Variants in SMCO1 observed in about 807,000 individuals in gnomAD.
SMCO1 encodes single-pass membrane protein with coiled-coil domains 1.
SMCO1 carries 9 observed loss-of-function variants against 7.5 expected under a neutral mutation model. The ratio of observed to expected loss-of-function variants is 1.20; its 90% confidence interval spans 0.72 to 2.09. SMCO1 has a LOEUF of 2.09. SMCO1 is among the 30% of genes most tolerant of loss of function. The pLI is 0.00. For missense variants in SMCO1, 219 were observed against 253.1 expected (o/e 0.87, Z 0.91); for synonymous variants, 90 against 93.8 (o/e 0.96, Z 0.23).
In SMCO1 at chr3:196,507,085, G is replaced by A. The variant is rs1733065578; in HGVS notation, c.*802C>T. ...ATAGTGTAGAGGACCAATCGCGGAA[G>A]GGTAGGTATGTATAAAATAGGTGAA... is the stretch of plus-strand genomic sequence containing the variant. On this transcript the variant is annotated 3_prime_UTR_variant, in exon 3 of 3. Transcript: ENST00000397537. The A allele has an allele frequency of 6.6e-6, 1 of 152,222 alleles. No individual in the cohort carries two copies. The highest frequency in any genetic ancestry group is 2.1e-4 in the South Asian group (1 of 4,824). 9.4% of individuals were successfully genotyped at this position (152,222 alleles called of 1,614,324 possible).
At chr3:196,516,717 G>A (rs780427998), upstream of SMCO1, among the ~76,000 whole-genome samples, 2 of 152,080 alleles carry the variant, frequency 1.3e-5, no homozygotes, top group Non-Finnish European at 2.9e-5. Flanking sequence ...ATACTAGCAG[G>A]GAGACAGCAC....
intron 2 of SMCO1, among the ~76,000 whole-genome samples, chr3:196,508,581 G>C (rs1229128000): frequency 2.0e-5 from 3 of 151,530 alleles, no homozygotes; most frequent in Non-Finnish European, 4.4e-5. Flanking sequence ...TGTCGCCTCG[G>C]CTTCCCAGAG....
In SMCO1 at chr3:196,508,148, C is replaced by G; in HGVS notation, c.384G>C (p.Glu128Asp). 6.2e-7 allele frequency: 1 copy of G among 1,614,168 alleles called. No individual in the cohort carries two copies. The highest frequency in any genetic ancestry group is 8.5e-7 in the Non-Finnish European group (1 of 1,180,022). Residue 128 changes from glutamate to aspartate, a missense_variant, in exon 3 of 3, where the codon GAG becomes GAC. Transcript: ENST00000397537. ...TGATGTCTCCTTCTTGCAGCCCACA[C>G]TCCTCCAGTATGGACTCCCATACAA... is the stretch of plus-strand genomic sequence containing the variant. ...VRVVWESILE[E>D]CGLQEGDITA...
chr3:196,520,076 C>T (rs1733466476), upstream of SMCO1, among the ~76,000 whole-genome samples: 1 of 152,216 alleles, frequency 6.6e-6, no homozygotes, highest in South Asian at 2.1e-4. Flanking sequence ...CAAGTGCATT[C>T]TAAAACGCTG....
upstream of SMCO1, among the ~76,000 whole-genome samples, chr3:196,516,643 C>T (rs543251522): frequency 1.3e-5 from 2 of 152,110 alleles, no homozygotes; most frequent in African/African-American, 4.8e-5. Flanking sequence ...AATGGATGAG[C>T]AGCACTATTC....
upstream of SMCO1, among the ~76,000 whole-genome samples, chr3:196,518,567 A>G (rs1300242473): frequency 6.6e-6 from 1 of 152,130 alleles, no homozygotes; most frequent in Admixed American, 6.5e-5. Context: ...CACCTGCCTC[A>G]GCCTCCCAAA....
intron 2 of SMCO1, 67 bp from the exon 3 acceptor site, chr3:196,508,398 C>A (rs950438281): frequency 2.8e-5 from 38 of 1,379,908 alleles, no homozygotes; most frequent in Admixed American, 2.1e-4. Flanking sequence ...AAAATGAATT[C>A]TTTTAGGATA....
At position 196,509,621 on chromosome 3, in the gene SMCO1, G is replaced by A. The variant is rs774644769; in HGVS notation, c.99C>T (p.Asp33=). 2.0e-5 allele frequency: 33 copies of A among 1,614,022 alleles called. No homozygotes were observed. The highest frequency in any genetic ancestry group is 2.8e-5 in the Non-Finnish European group (33 of 1,179,930). Residue 33 remains aspartate, a synonymous_variant, in exon 2 of 3, where the codon GAC becomes GAT. Coordinates refer to ENST00000397537, the MANE Select transcript of SMCO1 (RefSeq NM_001077657.3). The part of the protein sequence containing the change: ...QALETQFKEL[D]FTKDNLMQKF... ...TCTGCATCAGGTTATCCTTGGTGAA[G>A]TCTAGTTCTTTGAACTGTGTTTCTA...
In SMCO1 at chr3:196,514,444, G is replaced by A. The variant is rs542408621; in HGVS notation, c.50+716C>T. ...TCCAGCTTAAATGACCCTATATGAA[G>A]AGTTCCTTTTTCTAGTGTCAAAGGC... On this transcript the variant is annotated intron_variant, in intron 1 of 2. Transcript: ENST00000397537. Among the ~76,000 whole-genome samples, 3 of 152,234 alleles carry A rather than the reference G, an allele frequency of 2.0e-5. No homozygotes were observed. In the South Asian group the frequency reaches 6.2e-4, roughly 32 times the overall value.
upstream of SMCO1, among the ~76,000 whole-genome samples, chr3:196,517,105 A>G (rs990814316): frequency 3.8e-4 from 11 of 29,078 alleles, no homozygotes; most frequent in African/African-American, 8.8e-4. Context: ...ACTCCATCGC[A>G]AAAAAAAAAA....
intron 1 of SMCO1, among the ~76,000 whole-genome samples, chr3:196,510,886 T>G (rs1451255778): frequency 1.3e-5 from 2 of 152,258 alleles, no homozygotes; most frequent in African/African-American, 2.4e-5. Flanking sequence ...TTTCCCTGTA[T>G]GATTGACATC....
chr3:196,520,225 T>C (rs1733468342), upstream of SMCO1, among the ~76,000 whole-genome samples: 1 of 152,210 alleles, frequency 6.6e-6, no homozygotes, highest in Non-Finnish European at 1.5e-5. Flanking sequence ...AAATTCGATC[T>C]TTTCTGCAGA....
At position 196,508,263 on chromosome 3, in the gene SMCO1, C is replaced by T. The variant is rs761072658; in HGVS notation, c.269G>A (p.Arg90His). The T allele has an allele frequency of 1.6e-5, 26 of 1,613,820 alleles. No individual in the cohort carries two copies. Among genetic ancestry groups the T allele is most frequent in the East Asian group, 2.2e-5 (1 of 44,876 alleles). Residue 90 changes from arginine (R) to histidine (H), a missense_variant, in exon 3 of 3, where the codon CGT becomes CAT. Transcript: ENST00000397537. ...CAGGTCTGGCAGCTTCTCAAGCACA[C>T]GAGTATGCAAGCAGATAAGTACTTC... Reference protein sequence around the residue: ...VIEVLICLHTRVLEKLPDLVR... With the variant: ...VIEVLICLHTHVLEKLPDLVR...
At chr3:196,512,429 T>C (rs1733269551) in intron 1 of SMCO1, among the ~76,000 whole-genome samples, 1 of 152,126 alleles carries the variant, frequency 6.6e-6, no homozygotes, top group Admixed American at 6.5e-5. Context: ...CATCTTTTAT[T>C]CTTGGTCCTA....
At chr3:196,509,464 C>A (rs1160644362) in intron 2 of SMCO1, 56 bp downstream of exon 2, 2 of 1,470,180 alleles carry the variant, frequency 1.4e-6, no homozygotes, top group South Asian at 1.2e-5. Flanking sequence ...TTGCAATGAC[C>A]AGTGGAAGCT....
At chr3:196,516,866 A>G (rs1733398499), upstream of SMCO1, among the ~76,000 whole-genome samples, 1 of 152,080 alleles carries the variant, frequency 6.6e-6, no homozygotes, top group South Asian at 2.1e-4. Context: ...TGGGAGGCTG[A>G]GGTGGGTAGA....
intron 1 of SMCO1, among the ~76,000 whole-genome samples, chr3:196,514,422 A>C (rs187165834): frequency 6.6e-6 from 1 of 152,320 alleles, no homozygotes; most frequent in Admixed American, 6.5e-5. Context: ...TTTAAGATCC[A>C]GCTTAAATGA....
Position 196,508,047 on chromosome 3 carries a change from A to ACAC in SMCO1, c.484_485insGTG (p.Ile162delinsSerVal), listed in dbSNP as rs1305270782. On this transcript the variant is annotated protein_altering_variant, in exon 3 of 3. Transcript: ENST00000397537. ...AGTAATTAGGAACGTGACATCCCTG[A>ACAC]TGTACATCTGCCTCACTTTAGCAGT... The ACAC allele has an allele frequency of 6.2e-7, 1 of 1,614,172 alleles. No homozygotes were observed. The highest frequency in any genetic ancestry group is 8.5e-7 in the Non-Finnish European group (1 of 1,180,026).
chr3:196,516,071 TA>T (rs1419925174), upstream of SMCO1, among the ~76,000 whole-genome samples: 1 of 140,132 alleles, frequency 7.1e-6, no homozygotes, highest in Non-Finnish European at 1.5e-5. Flanking sequence ...ATATAATATA[TA>T]ATTTATATCG....
Sources: allele counts gnomAD v4.1 joint callset (sites outside exome capture counted in the v4.1 genomes callset), GRCh38; gene constraint gnomAD v4.1.1; transcripts MANE v1.5; gene names NCBI Gene and HGNC (gene_info 2026-07-23, HGNC 2026-07-21).